Variants in GRIK1 observed in about 807,000 individuals in gnomAD.
GRIK1 encodes glutamate receptor ionotropic, kainate 1.
In GRIK1, 69 loss-of-function variants were observed where a neutral mutation model predicts 105.7. The observed-to-expected ratio is 0.65, with a 90% CI of 0.54 to 0.80. The LOEUF (loss-of-function observed/expected upper bound fraction) is 0.80. GRIK1 is among the 30% of genes least tolerant of loss of function. GRIK1 has a pLI of 0.00. For missense variants in GRIK1, 1,109 were observed against 1,167.3 expected, an observed-to-expected ratio of 0.95 and a Z score of 0.73; for synonymous variants, 438 against 431.3, an observed-to-expected ratio of 1.02 and a Z score of -0.19.
At chr21:29,576,865 TTTTTTTC>T in intron 14 of GRIK1, 92 bp downstream of exon 14, 8 of 709,072 alleles carry the variant, frequency 1.1e-5, no homozygotes, top group East Asian at 7.8e-5. Flanking sequence ...ACCCAACATC[TTTTTTTC>T]TTTTTTCTTT....
chr21:29,815,367 CA>C (rs920532174), intron 1 of GRIK1, among the ~76,000 whole-genome samples: 1 of 152,112 alleles, frequency 6.6e-6, no homozygotes, highest in African/African-American at 2.4e-5. Flanking sequence ...AAGTATTGCT[CA>C]AATAAGGGGT....
At chr21:29,907,935 T>C (rs1214547094) in intron 1 of GRIK1, among the ~76,000 whole-genome samples, 1 of 152,160 alleles carries the variant, frequency 6.6e-6, no homozygotes. Context: ...AGTTTTACTA[T>C]TGTTTTGGTG....
intron 1 of GRIK1, among the ~76,000 whole-genome samples, chr21:29,848,589 CCTT>C (rs1019551203): frequency 1.3e-5 from 2 of 151,866 alleles, no homozygotes; most frequent in Non-Finnish European, 2.9e-5. Flanking sequence ...CAAATGGAAA[CCTT>C]CTTTGTAAAG....
intron 1 of GRIK1, among the ~76,000 whole-genome samples, chr21:29,899,457 T>C (rs1416205866): frequency 6.6e-6 from 1 of 152,226 alleles, no homozygotes; most frequent in Non-Finnish European, 1.5e-5. Context: ...CTTTTCATTC[T>C]TGCCTTGCTG....
intron 1 of GRIK1, among the ~76,000 whole-genome samples, chr21:29,775,907 C>T (rs955833748): frequency 1.3e-5 from 2 of 152,160 alleles, no homozygotes; most frequent in African/African-American, 4.8e-5. Flanking sequence ...CTATAAAGAA[C>T]TGCCCGAGAC....
chr21:29,789,981 A>C (rs536020744), intron 1 of GRIK1, among the ~76,000 whole-genome samples: 39 of 152,368 alleles, frequency 2.6e-4, no homozygotes, highest in Middle Eastern at 3.4e-3. Flanking sequence ...GAATAAATGA[A>C]GGTTGCTAGA....
At chr21:29,853,632 C>T (rs753808826) in intron 1 of GRIK1, among the ~76,000 whole-genome samples, 95 of 152,340 alleles carry the variant, frequency 6.2e-4, no homozygotes, top group Non-Finnish European at 1.1e-3. Context: ...CTCTAGTCAA[C>T]TGCATATGAC....
intron 2 of GRIK1, among the ~76,000 whole-genome samples, chr21:29,693,340 A>G (rs1308926537): frequency 6.6e-6 from 1 of 152,220 alleles, no homozygotes; most frequent in Middle Eastern, 3.2e-3. Flanking sequence ...TTTTTAGGCT[A>G]GGCACTTGGC....
At position 29,735,801 on chromosome 21, in the gene GRIK1, C is replaced by T. The variant is rs1016742482; in HGVS notation, c.119-41738G>A. Among the ~76,000 whole-genome samples the T allele has an allele frequency of 1.7e-4, 24 of 144,738 alleles. 1 individual carries two copies. Among genetic ancestry groups the T allele is most frequent in the Admixed American group, 4.3e-4 (6 of 13,936 alleles). The allele number at this position is 144,738 out of a possible 152,430, so 95.0% of individuals were successfully genotyped here. A position where few individuals can be genotyped will look rare whatever the true frequency, so the allele number is the denominator to read the frequency against. On this transcript the variant is annotated intron_variant, in intron 1 of 17. Coordinates refer to ENST00000327783, the MANE Select transcript of GRIK1 (RefSeq NM_001330994.2). ...AGTCCCAGCTACTTGGGAGGCTGAT[C>T]GCGCCACTGCACTCCAGCCTGGGCG...
chr21:29,671,236 C>T (rs1466077470), intron 4 of GRIK1, among the ~76,000 whole-genome samples: 1 of 152,002 alleles, frequency 6.6e-6, no homozygotes, highest in African/African-American at 2.4e-5. Context: ...GATTCTCCTG[C>T]CTCAGCCTCC....
chr21:29,734,078 G>T (rs920290308), intron 1 of GRIK1, among the ~76,000 whole-genome samples: 20 of 152,130 alleles, frequency 1.3e-4, no homozygotes, highest in Non-Finnish European at 2.8e-4. Context: ...AAATTTAACA[G>T]TTGGCTCTTG....
At chr21:29,757,178 G>A (rs1273031443) in intron 1 of GRIK1, among the ~76,000 whole-genome samples, 1 of 151,974 alleles carries the variant, frequency 6.6e-6, no homozygotes, top group Non-Finnish European at 1.5e-5. Context: ...ACCAGTGACT[G>A]AAATGTATAT....
chr21:29,735,857 A>G (rs2064778071), intron 1 of GRIK1, among the ~76,000 whole-genome samples: 1 of 152,174 alleles, frequency 6.6e-6, no homozygotes, highest in Non-Finnish European at 1.5e-5. Flanking sequence ...AAAAAAAAAA[A>G]AAAAAAAAAT....
intron 14 of GRIK1, among the ~76,000 whole-genome samples, chr21:29,569,903 T>C (rs1004739119): frequency 6.6e-6 from 1 of 152,180 alleles, no homozygotes; most frequent in African/African-American, 2.4e-5. Flanking sequence ...TGGCTGTCAT[T>C]GTTGTCATCT....
intron 1 of GRIK1, among the ~76,000 whole-genome samples, chr21:29,860,166 A>G (rs984242230): frequency 6.6e-6 from 1 of 152,214 alleles, no homozygotes; most frequent in Non-Finnish European, 1.5e-5. Context: ...TACGAGTAAG[A>G]TGCCTGGTGT....
chr21:29,568,482 G>T (rs2090662951), intron 14 of GRIK1, among the ~76,000 whole-genome samples: 1 of 152,176 alleles, frequency 6.6e-6, no homozygotes, highest in African/African-American at 2.4e-5. Flanking sequence ...AGAATCCCTT[G>T]TTCCCACAGC....
At chr21:29,735,641 A>T (rs897259893) in intron 1 of GRIK1, among the ~76,000 whole-genome samples, 2 of 152,072 alleles carry the variant, frequency 1.3e-5, no homozygotes, top group Admixed American at 6.6e-5. Context: ...TCAGGACTGT[A>T]ATCCCAGCAC....
chr21:29,538,347 T>C (rs944955402), intron 16 of GRIK1, among the ~76,000 whole-genome samples: 3 of 152,136 alleles, frequency 2.0e-5, no homozygotes, highest in African/African-American at 7.2e-5. Flanking sequence ...ATTCCACTTA[T>C]ATGAAACATC....
chr21:29,843,746 T>C (rs868576020), intron 1 of GRIK1, among the ~76,000 whole-genome samples: 1 of 151,360 alleles, frequency 6.6e-6, no homozygotes, highest in African/African-American at 2.5e-5. Context: ...TGTAAATTAA[T>C]TCATTTGTCA....
Sources: gnomAD v4.1 joint callset for allele counts (sites outside exome capture counted in the v4.1 genomes callset) on GRCh38, gnomAD v4.1.1 for gene constraint, MANE v1.5 for transcripts, NCBI Gene and HGNC (gene_info 2026-07-23, HGNC 2026-07-21) for gene names.